Variants in CDH13 observed in about 807,000 individuals in gnomAD.
CDH13 encodes the protein cadherin-13.
CDH13 carries 24 observed loss-of-function variants against 63.8 expected under a neutral mutation model. That is an observed-to-expected ratio of 0.38 (90% confidence interval 0.27 to 0.53). The LOEUF (loss-of-function observed/expected upper bound fraction) is 0.53, where lower values mean the gene tolerates loss of function less well. CDH13 is among the 20% of genes least tolerant of loss of function. The pLI, the probability that CDH13 is intolerant of heterozygous loss-of-function variation, is 0.85. For missense variants in CDH13, 1,049 were observed against 903.1 expected (o/e 1.16, Z -2.07); for synonymous variants, 503 against 355.3 (o/e 1.42, Z -4.67).
At chr16:82,899,345 T>C (rs2041379124) in intron 2 of CDH13, among the ~76,000 whole-genome samples, 2 of 152,256 alleles carry the variant, frequency 1.3e-5, no homozygotes, top group South Asian at 4.1e-4. Flanking sequence ...CTTTTAATAA[T>C]TCATTGATCT....
At chr16:83,524,800 A>G (rs1261630043) in intron 7 of CDH13, among the ~76,000 whole-genome samples, 2 of 152,262 alleles carry the variant, frequency 1.3e-5, no homozygotes, top group Non-Finnish European at 2.9e-5. Context: ...GGTCTTGGCA[A>G]ACCTGTAGCA....
intron 8 of CDH13, among the ~76,000 whole-genome samples, chr16:83,603,739 A>G (rs1194478723): frequency 1.3e-5 from 2 of 152,176 alleles, no homozygotes; most frequent in East Asian, 1.9e-4. Flanking sequence ...TGGCCTCTGT[A>G]TTAGTTCATT....
intron 1 of CDH13, among the ~76,000 whole-genome samples, chr16:82,836,908 G>A (rs979120346): frequency 9.9e-5 from 15 of 152,160 alleles, no homozygotes; most frequent in African/African-American, 3.6e-4. Context: ...TCCCTTTAAA[G>A]GGATATTTAT....
intron 6 of CDH13, among the ~76,000 whole-genome samples, chr16:83,406,460 TC>T (rs2092048887): frequency 3.3e-5 from 5 of 150,440 alleles, no homozygotes; most frequent in Admixed American, 2.7e-4. Context: ...TTTCTCTTTT[TC>T]TCTCTCTCTC....
At chr16:83,516,818 T>C (rs573592058) in intron 7 of CDH13, among the ~76,000 whole-genome samples, 1 of 152,344 alleles carries the variant, frequency 6.6e-6, no homozygotes, top group South Asian at 2.1e-4. Flanking sequence ...TTTTTTACAA[T>C]GGCATTGTTG....
At chr16:82,667,977 T>C (rs909674628) in intron 1 of CDH13, among the ~76,000 whole-genome samples, 6 of 152,198 alleles carry the variant, frequency 3.9e-5, no homozygotes, top group Non-Finnish European at 7.3e-5. Context: ...GGTTCTCGTC[T>C]CTACTTGAAT....
chr16:82,676,586 A>G (rs1313607640), intron 1 of CDH13, among the ~76,000 whole-genome samples: 2 of 147,480 alleles, frequency 1.4e-5, no homozygotes, highest in African/African-American at 5.0e-5. Context: ...TCTTCTCCCC[A>G]ACCAGAATGA....
At chr16:82,808,058 T>G (rs572610187) in intron 1 of CDH13, among the ~76,000 whole-genome samples, 1 of 151,970 alleles carries the variant, frequency 6.6e-6, no homozygotes, top group African/African-American at 2.4e-5. Flanking sequence ...GAGGAGAGAG[T>G]GTAGTCAGAA....
chr16:82,851,919 TTAACA>T (rs2039506058), intron 1 of CDH13, among the ~76,000 whole-genome samples: 1 of 152,154 alleles, frequency 6.6e-6, no homozygotes, highest in Non-Finnish European at 1.5e-5. Flanking sequence ...TACACTGACT[TTAACA>T]AGAGTAAACC....
chr16:83,030,849 T>A (rs1432289913), intron 2 of CDH13, among the ~76,000 whole-genome samples: 2 of 151,724 alleles, frequency 1.3e-5, no homozygotes, highest in African/African-American at 4.8e-5. Flanking sequence ...TTTCCACCCT[T>A]CCCTTCTAGA....
chr16:83,078,116 C>G (rs560648678), intron 3 of CDH13, among the ~76,000 whole-genome samples: 1 of 152,144 alleles, frequency 6.6e-6, no homozygotes, highest in Non-Finnish European at 1.5e-5. Context: ...AGACTGCTCA[C>G]GCGTGCATGG....
At chr16:83,104,860 A>G (rs1028500495) in intron 3 of CDH13, among the ~76,000 whole-genome samples, 1 of 152,164 alleles carries the variant, frequency 6.6e-6, no homozygotes, top group African/African-American at 2.4e-5. Context: ...AGAAATAAGG[A>G]TCTGAAAAAT....
At chr16:82,627,240 G>A in intron 1 of CDH13, 103 bp downstream of exon 1, 3 of 1,006,018 alleles carry the variant, frequency 3.0e-6, no homozygotes, top group Non-Finnish European at 4.6e-6. Context: ...GGGGCCTCCG[G>A]TCGCGGCGGC....
chr16:83,497,984 G>A (rs2074187873), intron 7 of CDH13, among the ~76,000 whole-genome samples: 1 of 152,208 alleles, frequency 6.6e-6, no homozygotes, highest in African/African-American at 2.4e-5. Flanking sequence ...CCACCATTAA[G>A]AAACAGGCAA....
At chr16:83,408,586 A>G (rs2092081892) in intron 6 of CDH13, among the ~76,000 whole-genome samples, 1 of 152,244 alleles carries the variant, frequency 6.6e-6, no homozygotes. Context: ...ATCCCTGTAT[A>G]GGAAAGCTCG....
chr16:83,152,135 T>C (rs1443773493), intron 4 of CDH13, among the ~76,000 whole-genome samples: 2 of 152,194 alleles, frequency 1.3e-5, no homozygotes, highest in African/African-American at 4.8e-5. Flanking sequence ...ATACCATTTG[T>C]GATTAAACTG....
intron 4 of CDH13, among the ~76,000 whole-genome samples, chr16:83,177,395 C>T (rs1025964447): frequency 9.2e-5 from 14 of 152,202 alleles, no homozygotes; most frequent in African/African-American, 2.9e-4. Flanking sequence ...AGGGGACCCT[C>T]AATGAATAAG....
At chr16:82,701,332 T>C (rs902954101) in intron 1 of CDH13, among the ~76,000 whole-genome samples, 4 of 152,166 alleles carry the variant, frequency 2.6e-5, no homozygotes, top group African/African-American at 9.7e-5. Context: ...ATCCAACTTA[T>C]AATTTTTCTA....
rs1004286607 is a variant in CDH13, at chr16:83,047,177, T to C, written c.366+14959T>C. On this transcript the variant is annotated intron_variant, in intron 3 of 13. Coordinates refer to ENST00000567109, the MANE Select transcript of CDH13 (RefSeq NM_001257.5). This position sits in a 1 kb window ranked among gnomAD's most constrained non-coding sequence, Gnocchi z 4.9. ...GACCCAAGGAAAGGTCTGCAGACTA[T>C]AAGCAGACTTTATCTGAAGACCACC... is the stretch of plus-strand genomic sequence containing the variant. Among the ~76,000 whole-genome samples the C allele has an allele frequency of 6.6e-6, 1 of 152,208 alleles. No individual in the cohort carries two copies. Among genetic ancestry groups the C allele is most frequent in the South Asian group, 2.1e-4 (1 of 4,836 alleles).
Sources: allele counts gnomAD v4.1 joint callset (sites outside exome capture counted in the v4.1 genomes callset), GRCh38; gene constraint gnomAD v4.1.1; non-coding constraint Gnocchi (gnomAD v3.1); transcripts MANE v1.5; gene names NCBI Gene and HGNC (gene_info 2026-07-23, HGNC 2026-07-21).